The following GRIK4 variants were observed in gnomAD, a reference collection of about 807,000 sequenced individuals.
GRIK4 encodes the protein glutamate receptor ionotropic, kainate 4.
In GRIK4, 40 loss-of-function variants were observed where a neutral mutation model predicts 104.9. The ratio of observed to expected loss-of-function variants is 0.38; its 90% CI spans 0.30 to 0.50. The LOEUF (loss-of-function observed/expected upper bound fraction) is 0.50. Ranked by LOEUF, GRIK4 falls within the 20% of genes least tolerant of loss-of-function variation. The probability of loss-of-function intolerance (pLI) is 0.93; values close to 1 mark genes in which losing one functional copy is unlikely to be tolerated. For missense variants in GRIK4, 1,047 were observed against 1,308.1 expected (o/e 0.80, Z 3.08); for synonymous variants, 485 against 524.9 (o/e 0.92, Z 1.04).
At chr11:120,634,425 C>T (rs976923289) in intron 1 of GRIK4, among the ~76,000 whole-genome samples, 1 of 152,144 alleles carries the variant, frequency 6.6e-6, no homozygotes, top group Non-Finnish European at 1.5e-5. Flanking sequence ...TCCCGTGGTG[C>T]CATTTCCCAG....
chr11:120,756,586 A>G (rs1951655154), intron 3 of GRIK4, among the ~76,000 whole-genome samples: 1 of 151,902 alleles, frequency 6.6e-6, no homozygotes, highest in Non-Finnish European at 1.5e-5. Context: ...CTTCCTGTCA[A>G]CTCTTCATAA....
At chr11:120,860,594 A>C (rs1362168100) in intron 8 of GRIK4, among the ~76,000 whole-genome samples, 2 of 152,172 alleles carry the variant, frequency 1.3e-5, no homozygotes, top group African/African-American at 4.8e-5. Context: ...ATATGAAATG[A>C]CGATGAATTT....
chr11:120,532,603 T>A (rs1947934536), intron 1 of GRIK4, among the ~76,000 whole-genome samples: 1 of 152,184 alleles, frequency 6.6e-6, no homozygotes, highest in Admixed American at 6.5e-5. Flanking sequence ...CTTGCTCTAG[T>A]GTGGACTCTT....
chr11:120,956,203 C>CTT lies in GRIK4; in HGVS notation c.1701-563_1701-562dup, dbSNP rs11329842. ...CCTAGCCTCAGGGGCTCCACTTAAT[C>CTT]TTTTTTTTTTTTTTTGAGACAGGGT... On this transcript the variant is annotated intron_variant, in intron 15 of 20. Transcript: ENST00000527524. The surrounding 1 kb of genome is among the most constrained non-coding windows in gnomAD (Gnocchi z 4.6). Among the ~76,000 whole-genome samples, 1 of 143,004 alleles carries CTT rather than the reference C, an allele frequency of 7.0e-6. No individual in the cohort carries two copies. The highest frequency in any genetic ancestry group is 1.5e-5 in the Non-Finnish European group (1 of 65,206). 93.8% of individuals were successfully genotyped at this position (143,004 alleles called of 152,430 possible).
intron 18 of GRIK4, among the ~76,000 whole-genome samples, chr11:120,965,796 G>A (rs954016937): frequency 1.3e-5 from 2 of 152,216 alleles, no homozygotes; most frequent in African/African-American, 4.8e-5. Context: ...CAGGCCTACT[G>A]AATCAGATTC....
intron 1 of GRIK4, among the ~76,000 whole-genome samples, chr11:120,544,403 T>A (rs1948065571): frequency 6.6e-6 from 1 of 152,178 alleles, no homozygotes; most frequent in African/African-American, 2.4e-5. Flanking sequence ...TGATCTTGGC[T>A]CACTGCATCC....
At chr11:120,970,617 G>A (rs2134760395) in intron 19 of GRIK4, among the ~76,000 whole-genome samples, 1 of 151,846 alleles carries the variant, frequency 6.6e-6, no homozygotes, top group East Asian at 1.9e-4. Flanking sequence ...TCTTGTGGAG[G>A]AGCAGAGGGC....
intron 1 of GRIK4, among the ~76,000 whole-genome samples, chr11:120,537,192 G>T (rs984903840): frequency 6.6e-6 from 1 of 152,206 alleles, no homozygotes; most frequent in Non-Finnish European, 1.5e-5. Context: ...TTATGTTGCT[G>T]TTCCTTACTC....
intron 3 of GRIK4, among the ~76,000 whole-genome samples, chr11:120,662,663 G>C (rs552224611): frequency 6.6e-6 from 1 of 152,124 alleles, no homozygotes; most frequent in African/African-American, 2.4e-5. Context: ...GTCCTTGAGA[G>C]GCTTATGGGA....
intron 1 of GRIK4, among the ~76,000 whole-genome samples, chr11:120,596,968 A>G (rs986663738): frequency 3.3e-5 from 5 of 152,116 alleles, no homozygotes; most frequent in African/African-American, 1.2e-4. Context: ...CAAGTGATCC[A>G]TCCGCCTCGG....
chr11:120,659,920 CG>C (rs1453025368), intron 2 of GRIK4, among the ~76,000 whole-genome samples: 1 of 152,100 alleles, frequency 6.6e-6, no homozygotes, highest in Non-Finnish European at 1.5e-5. Flanking sequence ...TTAGTAGAGA[CG>C]GGGTTTTGCC....
intron 14 of GRIK4, among the ~76,000 whole-genome samples, chr11:120,951,195 C>T (rs1022006027): frequency 4.6e-5 from 7 of 152,092 alleles, no homozygotes; most frequent in East Asian, 1.9e-4. Flanking sequence ...AAAACTGCAC[C>T]GCAGGCCCAC....
chr11:120,888,775 T>C (rs542410240), intron 11 of GRIK4, among the ~76,000 whole-genome samples: 1 of 152,340 alleles, frequency 6.6e-6, no homozygotes, highest in African/African-American at 2.4e-5. Context: ...GTACCCCTGC[T>C]ATGTGCATTA....
At chr11:120,728,423 C>T (rs868650562) in intron 3 of GRIK4, among the ~76,000 whole-genome samples, 12 of 152,110 alleles carry the variant, frequency 7.9e-5, no homozygotes, top group Middle Eastern at 3.4e-3. Flanking sequence ...AATCTGCTAA[C>T]GAATGAATTT....
At chr11:120,910,878 C>T (rs1201919198) in intron 13 of GRIK4, among the ~76,000 whole-genome samples, 1 of 152,210 alleles carries the variant, frequency 6.6e-6, no homozygotes, top group East Asian at 1.9e-4. Flanking sequence ...GATGCTAGGC[C>T]TGAATCTTTA....
At chr11:120,611,542 C>G (rs1450154466) in intron 1 of GRIK4, among the ~76,000 whole-genome samples, 1 of 152,184 alleles carries the variant, frequency 6.6e-6, no homozygotes, top group East Asian at 1.9e-4. Flanking sequence ...CTGTTATCAT[C>G]ATGATTTGCT....
intron 1 of GRIK4, among the ~76,000 whole-genome samples, chr11:120,618,781 G>A (rs1356203560): frequency 6.6e-6 from 1 of 152,252 alleles, no homozygotes; most frequent in Non-Finnish European, 1.5e-5. Context: ...GCTGGCAGGT[G>A]CACAGAGTGC....
intron 3 of GRIK4, among the ~76,000 whole-genome samples, chr11:120,737,974 G>A (rs769163741): frequency 7.2e-5 from 11 of 152,094 alleles, no homozygotes; most frequent in Admixed American, 2.0e-4. Flanking sequence ...AAACATAAGC[G>A]GAATTTAAAG....
intron 13 of GRIK4, among the ~76,000 whole-genome samples, chr11:120,928,660 G>A (rs376466437): frequency 2.0e-5 from 3 of 152,076 alleles, no homozygotes; most frequent in African/African-American, 2.4e-5. Flanking sequence ...TTTCCTTAGC[G>A]CTGGTTCGTT....
Sources: allele counts gnomAD v4.1 joint callset (sites outside exome capture counted in the v4.1 genomes callset), GRCh38; gene constraint gnomAD v4.1.1; non-coding constraint Gnocchi (gnomAD v3.1); transcripts MANE v1.5; gene names NCBI Gene and HGNC (gene_info 2026-07-23, HGNC 2026-07-21).